Variants in GPC5 observed in about 807,000 individuals in gnomAD.
GPC5 encodes the protein glypican-5.
A neutral mutation model predicts 53.9 loss-of-function variants in GPC5; 47 were observed. The observed-to-expected ratio is 0.87, with a 90% CI of 0.69 to 1.11. The LOEUF is 1.11. Ranked by LOEUF, GPC5 falls within the 50% of genes most tolerant of loss-of-function variation. The pLI is 0.00. For missense variants in GPC5, 748 were observed against 713.1 expected (o/e 1.05, Z -0.56); for synonymous variants, 286 against 263.3 (o/e 1.09, Z -0.84).
intron 7 of GPC5, among the ~76,000 whole-genome samples, chr13:92,810,887 A>AT (rs1195105712): frequency 6.6e-6 from 1 of 151,624 alleles, no homozygotes; most frequent in Non-Finnish European, 1.5e-5. Flanking sequence ...CAACCAGCTA[A>AT]TTTTTTGTAT....
intron 6 of GPC5, among the ~76,000 whole-genome samples, chr13:92,054,330 G>T (rs551616035): frequency 1.3e-5 from 2 of 151,958 alleles, no homozygotes; most frequent in East Asian, 1.9e-4. Context: ...AAAAGACAAG[G>T]CAGCTTTTGT....
chr13:92,016,545 T>A (rs1043867997), intron 6 of GPC5, among the ~76,000 whole-genome samples: 2 of 152,212 alleles, frequency 1.3e-5, no homozygotes, highest in African/African-American at 2.4e-5. Flanking sequence ...TATGCTTGAT[T>A]CTACACATAT....
intron 7 of GPC5, among the ~76,000 whole-genome samples, chr13:92,623,102 G>A (rs60601219): frequency 0.16 from 24,284 of 151,752 alleles, 2,406 homozygotes; most frequent in Non-Finnish European, 0.22. Flanking sequence ...GGAGGCGGGG[G>A]TTGCAGTGAG....
rs2037106881 is a variant in GPC5 at position 91,748,805 on chromosome 13, A to C, written c.1155-7490A>C. 2.0e-5 allele frequency among the ~76,000 whole-genome samples: 3 copies of C among 152,196 alleles called. No individual in the cohort carries two copies. In the South Asian group the frequency reaches 6.2e-4, roughly 32 times the overall value. ...AGCAGGATCTTGAAGGATGGGTAGA[A>C]AGTTGAGAGTAAAGTAGGAGGAGAA... is the stretch of plus-strand genomic sequence containing the variant. On this transcript the variant is annotated intron_variant, in intron 4 of 7. Transcript: ENST00000377067.
chr13:92,632,878 T>G lies in GPC5; in HGVS notation c.1562-233404T>G, dbSNP rs1215284906. 2.0e-5 allele frequency among the ~76,000 whole-genome samples: 3 copies of G among 151,862 alleles called. No individual in the cohort carries two copies. In the East Asian group the frequency reaches 5.8e-4, roughly 30 times the overall value. ...AGAACTTCTGCAGAGAAACTCCCAT[T>G]TTTTTGTTTGTTTGTTTTGTTTTGT... On this transcript the variant is annotated intron_variant, in intron 7 of 7. Transcript: ENST00000377067.
intron 7 of GPC5, among the ~76,000 whole-genome samples, chr13:92,438,567 T>C (rs559059968): frequency 5.9e-5 from 9 of 151,972 alleles, no homozygotes; most frequent in African/African-American, 2.2e-4. Context: ...CATGATTAAG[T>C]GTATGTTTTA....
At chr13:91,946,999 C>T (rs1364686340) in intron 6 of GPC5, among the ~76,000 whole-genome samples, 5 of 152,080 alleles carry the variant, frequency 3.3e-5, no homozygotes. Context: ...TTTTTCAACA[C>T]ATACCTGGAG....
intron 1 of GPC5, among the ~76,000 whole-genome samples, chr13:91,448,172 G>T (rs2139092889): frequency 1.3e-5 from 2 of 152,314 alleles, no homozygotes; most frequent in South Asian, 4.1e-4. Context: ...GGAGGGGATT[G>T]TCTCTCGCCA....
At chr13:92,538,555 T>A (rs1235665867) in intron 7 of GPC5, among the ~76,000 whole-genome samples, 4 of 148,558 alleles carry the variant, frequency 2.7e-5, no homozygotes, top group Non-Finnish European at 5.9e-5. Context: ...GGTGGTTTGC[T>A]ACACCCATCA....
chr13:92,747,265 T>C lies in GPC5; in HGVS notation c.1562-119017T>C, dbSNP rs534946049. On this transcript the variant is annotated intron_variant, in intron 7 of 7. Transcript: ENST00000377067. ...AGTTATTTTATCCCCATTTTACAGATGAGGAAATCGTTTTAAAGGACTTAA... is the reference window on the plus strand; with the variant it reads ...AGTTATTTTATCCCCATTTTACAGACGAGGAAATCGTTTTAAAGGACTTAA... Among the ~76,000 whole-genome samples, 7 of 152,296 alleles carry C rather than the reference T, an allele frequency of 4.6e-5. No homozygotes were observed. In the South Asian group the frequency reaches 6.2e-4, roughly 14 times the overall value.
chr13:92,778,789 G>A (rs1156543611), intron 7 of GPC5, among the ~76,000 whole-genome samples: 1 of 152,134 alleles, frequency 6.6e-6, no homozygotes, highest in Non-Finnish European at 1.5e-5. Flanking sequence ...TCTTCTATCT[G>A]TCTGCATTCA....
chr13:92,386,825 A>G (rs1299511048), intron 7 of GPC5, among the ~76,000 whole-genome samples: 1 of 152,114 alleles, frequency 6.6e-6, no homozygotes, highest in African/African-American at 2.4e-5. Flanking sequence ...AAAACTTACT[A>G]TATTTTAAAA....
intron 6 of GPC5, among the ~76,000 whole-genome samples, chr13:92,003,024 C>T (rs74595506): frequency 0.016 from 2,503 of 152,088 alleles, 36 homozygotes; most frequent in South Asian, 0.026. Context: ...AAAATTACTC[C>T]ACCTGGCCAG....
At chr13:92,777,022 C>CAAAA (rs1243297680) in intron 7 of GPC5, among the ~76,000 whole-genome samples, 6 of 26,682 alleles carry the variant, frequency 2.2e-4, no homozygotes, top group East Asian at 1.1e-3. Context: ...GACCCTGCCT[C>CAAAA]AAAAAAAAAA....
chr13:91,520,993 G>C (rs1885782318), intron 2 of GPC5, among the ~76,000 whole-genome samples: 1 of 151,888 alleles, frequency 6.6e-6, no homozygotes, highest in Non-Finnish European at 1.5e-5. Flanking sequence ...AATTCTCATA[G>C]TTACATTTCT....
chr13:91,728,673 A>C lies in GPC5; in HGVS notation c.1154+8A>C. ...GCTTGCCAACAGAAGAAAGTAAGACATTTGTTTTACAACCAGAAAGAGAAA... is the reference window on the plus strand; with the variant it reads ...GCTTGCCAACAGAAGAAAGTAAGACCTTTGTTTTACAACCAGAAAGAGAAA... On this transcript the variant is annotated splice_region_variant and intron_variant, in intron 4 of 7. Transcript: ENST00000377067. The C allele has an allele frequency of 6.2e-7, 1 of 1,605,994 alleles. No individual in the cohort carries two copies. Among genetic ancestry groups the C allele is most frequent in the South Asian group, 1.1e-5 (1 of 89,224 alleles).
At chr13:91,802,636 G>GA (rs1276503815) in intron 5 of GPC5, among the ~76,000 whole-genome samples, 1 of 152,160 alleles carries the variant, frequency 6.6e-6, no homozygotes, top group Non-Finnish European at 1.5e-5. Context: ...GCTAGGCACA[G>GA]AGTGCTGATT....
At chr13:91,806,301 G>A (rs1352110187) in intron 5 of GPC5, among the ~76,000 whole-genome samples, 1 of 151,794 alleles carries the variant, frequency 6.6e-6, no homozygotes, top group Admixed American at 6.6e-5. Context: ...TCCCAAAGTG[G>A]TAGGATTACA....
chr13:92,336,144 T>G (rs1486501877), intron 7 of GPC5, among the ~76,000 whole-genome samples: 4 of 152,220 alleles, frequency 2.6e-5, no homozygotes, highest in Non-Finnish European at 5.9e-5. Context: ...CCAAAGCCAC[T>G]GCAAATGTGC....
Sources: gnomAD v4.1 joint callset for allele counts (sites outside exome capture counted in the v4.1 genomes callset) on GRCh38, gnomAD v4.1.1 for gene constraint, MANE v1.5 for transcripts, NCBI Gene and HGNC (gene_info 2026-07-23, HGNC 2026-07-21) for gene names.